The following CLIP4 variants were observed in gnomAD, a reference collection of about 807,000 sequenced individuals.
CLIP4 encodes the protein CAP-Gly domain containing linker protein family member 4.
CLIP4 carries 47 observed loss-of-function variants against 73.1 expected under a neutral mutation model. The ratio of observed to expected loss-of-function variants is 0.64; its 90% CI spans 0.51 to 0.82. CLIP4 has a LOEUF of 0.82. Ranked by LOEUF, CLIP4 falls within the 40% of genes least tolerant of loss-of-function variation. The probability of loss-of-function intolerance (pLI) is 0.00; values close to 1 mark genes in which losing one functional copy is unlikely to be tolerated. For synonymous variants in CLIP4, 306 were observed against 295.4 expected (o/e 1.04, Z -0.37); for missense variants, 874 against 852.9 (o/e 1.02, Z -0.31).
intron 6 of CLIP4, among the ~76,000 whole-genome samples, chr2:29,142,453 A>C (rs983513083): frequency 6.6e-6 from 1 of 152,114 alleles, no homozygotes; most frequent in Admixed American, 6.5e-5. Context: ...GCCTGGGTGT[A>C]TTTTAAAAAT....
chr2:29,134,137 G>A (rs960089987), intron 5 of CLIP4, among the ~76,000 whole-genome samples: 5 of 152,040 alleles, frequency 3.3e-5, no homozygotes, highest in African/African-American at 4.8e-5. Context: ...TGCTTGGGTA[G>A]CCAGAAATAG....
intron 14 of CLIP4, among the ~76,000 whole-genome samples, chr2:29,174,107 C>A (rs1328537835): frequency 6.6e-6 from 1 of 151,338 alleles, no homozygotes; most frequent in Non-Finnish European, 1.5e-5. Context: ...GTATACTTAC[C>A]TTCTCTGCTT....
At chr2:29,107,384 T>TGTTTTG (rs1222656957) in intron 1 of CLIP4, among the ~76,000 whole-genome samples, 9 of 126,072 alleles carry the variant, frequency 7.1e-5, no homozygotes, top group African/African-American at 2.8e-4. Flanking sequence ...TTTTTTTTTT[T>TGTTTTG]TTTTTGAGAT....
intron 1 of CLIP4, among the ~76,000 whole-genome samples, chr2:29,105,221 A>G (rs980836217): frequency 4.6e-5 from 7 of 152,200 alleles, no homozygotes; most frequent in Admixed American, 1.3e-4. Context: ...TTGAGCACAC[A>G]TTAAATATAA....
At chr2:29,156,525 G>A (rs1333976619) in intron 10 of CLIP4, 82 bp downstream of exon 10, 1 of 1,023,166 alleles carries the variant, frequency 9.8e-7, no homozygotes, top group Admixed American at 2.9e-5. Flanking sequence ...AGTTTATATG[G>A]AGGTTAAGTT....
At chr2:29,125,408 G>A (rs1664532473) in intron 2 of CLIP4, among the ~76,000 whole-genome samples, 1 of 152,158 alleles carries the variant, frequency 6.6e-6, no homozygotes, top group South Asian at 2.1e-4. Context: ...AGGTCTCTGG[G>A]TTTCTCTTGG....
At chr2:29,144,652 CAT>C (rs1666020293) in intron 7 of CLIP4, among the ~76,000 whole-genome samples, 1 of 151,992 alleles carries the variant, frequency 6.6e-6, no homozygotes, top group African/African-American at 2.4e-5. Context: ...CCGTCATCTA[CAT>C]TAGGTATTTC....
intron 15 of CLIP4, 40 bp from the exon 16 acceptor site, chr2:29,181,532 C>T (rs760782000): frequency 4.0e-5 from 60 of 1,502,020 alleles, no homozygotes; most frequent in Non-Finnish European, 4.7e-5. Flanking sequence ...TACGTGGCTT[C>T]AGCACTAAAT....
intron 8 of CLIP4, among the ~76,000 whole-genome samples, chr2:29,148,727 C>G (rs1666343056): frequency 6.6e-6 from 1 of 152,248 alleles, no homozygotes; most frequent in Non-Finnish European, 1.5e-5. Flanking sequence ...TGAGTTTGTA[C>G]TATGAAGAGA....
At chr2:29,175,326 A>C (rs1041950308) in intron 15 of CLIP4, 1 of 152,246 alleles carries the variant, frequency 6.6e-6, no homozygotes, top group African/African-American at 2.4e-5. Flanking sequence ...TCCCTTCCTC[A>C]AAACCATCAC....
intron 2 of CLIP4, chr2:29,130,686 C>G: frequency 8.8e-7 from 1 of 1,137,664 alleles, no homozygotes; most frequent in Non-Finnish European, 1.1e-6. Flanking sequence ...TTCTGATTCT[C>G]TTCTGATGGA....
intron 1 of CLIP4, among the ~76,000 whole-genome samples, chr2:29,106,001 C>T (rs1228885892): frequency 6.6e-6 from 1 of 152,070 alleles, no homozygotes; most frequent in East Asian, 1.9e-4. Context: ...ACACACTGAA[C>T]TTTTCTGCCT....
chr2:29,109,462 C>T (rs554750588), intron 1 of CLIP4, among the ~76,000 whole-genome samples: 5 of 152,190 alleles, frequency 3.3e-5, no homozygotes, highest in Non-Finnish European at 7.3e-5. Flanking sequence ...GATCAGATCA[C>T]AGTCATTAGC....
At chr2:29,098,747 C>T (rs910967435) in intron 1 of CLIP4, among the ~76,000 whole-genome samples, 6 of 152,172 alleles carry the variant, frequency 3.9e-5, no homozygotes, top group Admixed American at 2.6e-4. Context: ...ATTGTTAGAT[C>T]ATATGGTAAG....
intron 9 of CLIP4, among the ~76,000 whole-genome samples, chr2:29,153,050 A>C (rs775310194): frequency 1.8e-4 from 28 of 152,116 alleles, no homozygotes; most frequent in Admixed American, 6.5e-4. Context: ...TACTGTCTCC[A>C]TACCTTTATC....
intron 6 of CLIP4, among the ~76,000 whole-genome samples, chr2:29,137,493 A>G (rs1158449685): frequency 6.6e-6 from 1 of 152,158 alleles, no homozygotes; most frequent in African/African-American, 2.4e-5. Flanking sequence ...ATATGAGTGC[A>G]GTGTCTTTTT....
chr2:29,149,416 T>A (rs1205649203), intron 8 of CLIP4, among the ~76,000 whole-genome samples: 1 of 151,312 alleles, frequency 6.6e-6, no homozygotes, highest in Non-Finnish European at 1.5e-5. Flanking sequence ...TTTTCTTTTT[T>A]TTTTTTTTCT....
chr2:29,147,873 G>C (rs1666276022), intron 8 of CLIP4, among the ~76,000 whole-genome samples: 1 of 152,194 alleles, frequency 6.6e-6, no homozygotes, highest in Admixed American at 6.5e-5. Context: ...TATTTGGTTA[G>C]TAGTTTGAGG....
intron 2 of CLIP4, chr2:29,131,028 T>C (rs897978132): frequency 7.7e-6 from 7 of 907,252 alleles, no homozygotes; most frequent in Admixed American, 3.4e-5. Flanking sequence ...GCTTTCCTCA[T>C]GTGCAAAATG....
Sources: gnomAD v4.1 joint callset for allele counts (sites outside exome capture counted in the v4.1 genomes callset) on GRCh38, gnomAD v4.1.1 for gene constraint, MANE v1.5 for transcripts, NCBI Gene and HGNC (gene_info 2026-07-23, HGNC 2026-07-21) for gene names.